The following STK32B variants were observed in gnomAD, a reference collection of about 807,000 sequenced individuals.
STK32B encodes the protein serine/threonine kinase 32B.
Under a neutral mutation model 52.6 loss-of-function variants are expected in STK32B, and 43 were observed. The observed-to-expected ratio is 0.82, with a 90% CI of 0.64 to 1.05. The LOEUF is 1.05. STK32B is among the 50% of genes least tolerant of loss of function. STK32B has a pLI of 0.00. For synonymous variants in STK32B, 238 were observed against 204.3 expected (o/e 1.17, Z -1.41); for missense variants, 621 against 534.6 (o/e 1.16, Z -1.59).
At chr4:5,329,301 TACTCC>T (rs908455421) in intron 3 of STK32B, among the ~76,000 whole-genome samples, 4 of 152,172 alleles carry the variant, frequency 2.6e-5, no homozygotes, top group African/African-American at 9.6e-5. Context: ...GACTGTATCT[TACTCC>T]ACTCCTGCCC....
chr4:5,358,013 T>C (rs1734296205), intron 4 of STK32B, among the ~76,000 whole-genome samples: 1 of 152,196 alleles, frequency 6.6e-6, no homozygotes. Context: ...TCCAATTCAA[T>C]TTAAGGCACA....
At chr4:5,326,618 G>C (rs1302719255) in intron 3 of STK32B, among the ~76,000 whole-genome samples, 1 of 152,110 alleles carries the variant, frequency 6.6e-6, no homozygotes, top group Admixed American at 6.5e-5. Context: ...ACAGCATTAT[G>C]TCTAAAAAGT....
At chr4:5,354,909 A>G (rs986451964) in intron 4 of STK32B, among the ~76,000 whole-genome samples, 4 of 152,194 alleles carry the variant, frequency 2.6e-5, no homozygotes, top group Non-Finnish European at 5.9e-5. Context: ...CTGATGCAAC[A>G]TGAGAAAGAC....
chr4:5,498,854 C>T (rs1720497958), intron 11 of STK32B, 91 bp from the exon 12 acceptor site: 6 of 1,476,596 alleles, frequency 4.1e-6, no homozygotes, highest in Non-Finnish European at 4.5e-6. Context: ...GCTGAAGGCT[C>T]CACAGTTGCC....
At chr4:5,159,623 A>G (rs183495221) in intron 2 of STK32B, among the ~76,000 whole-genome samples, 17,743 of 105,748 alleles carry the variant, frequency 0.17, 3,750 homozygotes, top group Non-Finnish European at 0.22. Context: ...ATATATGAAT[A>G]TATATGAATA....
chr4:5,204,440 G>A (rs1259288753), intron 3 of STK32B, among the ~76,000 whole-genome samples: 1 of 80,626 alleles, frequency 1.2e-5, no homozygotes, highest in Non-Finnish European at 2.7e-5. Flanking sequence ...TTTTTTGTTT[G>A]TTTTTGTTTT....
chr4:5,156,706 A>T (rs1229075729), intron 2 of STK32B, among the ~76,000 whole-genome samples: 1 of 152,178 alleles, frequency 6.6e-6, no homozygotes, highest in African/African-American at 2.4e-5. Flanking sequence ...AAGTGAAGTA[A>T]ACGTGGAGTT....
intron 6 of STK32B, among the ~76,000 whole-genome samples, chr4:5,437,564 G>T (rs1046187863): frequency 9.9e-5 from 15 of 152,182 alleles, no homozygotes; most frequent in African/African-American, 3.4e-4. Flanking sequence ...CATTTACAAA[G>T]ACCTTATTTT....
chr4:5,459,693 G>T (rs1485725516), intron 8 of STK32B, among the ~76,000 whole-genome samples: 1 of 152,170 alleles, frequency 6.6e-6, no homozygotes, highest in Non-Finnish European at 1.5e-5. Context: ...TAGCTGTCCA[G>T]GTATAAATTT....
intron 8 of STK32B, among the ~76,000 whole-genome samples, chr4:5,458,120 C>T (rs991626079): frequency 6.6e-6 from 1 of 152,306 alleles, no homozygotes; most frequent in South Asian, 2.1e-4. Context: ...CAGGCTCCAC[C>T]CAGACCTGAA....
chr4:5,327,525 T>C (rs1731960166), intron 3 of STK32B, among the ~76,000 whole-genome samples: 1 of 151,992 alleles, frequency 6.6e-6, no homozygotes, highest in South Asian at 2.1e-4. Flanking sequence ...CCATCTGAGC[T>C]CTTGGGTGAC....
chr4:5,074,014 G>A (rs1225664645), intron 1 of STK32B, among the ~76,000 whole-genome samples: 1 of 151,752 alleles, frequency 6.6e-6, no homozygotes, highest in Non-Finnish European at 1.5e-5. Flanking sequence ...CAAATTGGAA[G>A]ACTTTCAGCC....
chr4:5,276,048 G>A (rs932771575), intron 3 of STK32B, among the ~76,000 whole-genome samples: 4 of 152,012 alleles, frequency 2.6e-5, no homozygotes, highest in Non-Finnish European at 5.9e-5. Flanking sequence ...CAGCACTTTC[G>A]GAGGCCGAGG....
chr4:5,321,855 A>G (rs918920420), intron 3 of STK32B, among the ~76,000 whole-genome samples: 3 of 152,058 alleles, frequency 2.0e-5, no homozygotes, highest in African/African-American at 4.8e-5. Context: ...AGAGGTTCTC[A>G]TCTTGTCGCC....
rs146879950 is a variant in STK32B, at chr4:5,221,884, G to A, written c.260+53434G>A. Among the ~76,000 whole-genome samples the A allele has an allele frequency of 2.3e-4, 35 of 150,478 alleles. No homozygotes were observed. The East Asian group carries it at 6.7e-3, about 29-fold the overall frequency. ...AAAAAAAAAAAAAAAAAATTCAGGT[G>A]TTGTTAATGATAGTATTAAGTGGAG... On this transcript the variant is annotated intron_variant, in intron 3 of 11. Transcript: ENST00000282908.
At chr4:5,206,821 G>A (rs1256021645) in intron 3 of STK32B, among the ~76,000 whole-genome samples, 1 of 152,096 alleles carries the variant, frequency 6.6e-6, no homozygotes, top group East Asian at 1.9e-4. Context: ...ACAAGTTCAG[G>A]GCTGGGGTTT....
At chr4:5,316,961 TATATATAATATATATA>T (rs1730948593) in intron 3 of STK32B, among the ~76,000 whole-genome samples, 1 of 23,458 alleles carries the variant, frequency 4.3e-5, no homozygotes, top group Non-Finnish European at 5.4e-5. Context: ...TATGATATAA[TATATATAATATATATA>T]ATATATAATA....
In STK32B at chr4:5,051,641, G is replaced by A. The variant is rs1741785154; in HGVS notation, c.-223G>A. On this transcript the variant is annotated 5_prime_UTR_variant, in exon 1 of 12. Transcript: ENST00000282908. ...CAGCCCGAGGCGGGGCACGGCGGAA[G>A]GCGCGGCGAGAGCGGGGTCCCTGCG... 1 of 540,634 alleles carries A rather than the reference G, an allele frequency of 1.8e-6. No homozygotes were observed. The highest frequency in any genetic ancestry group is 3.1e-6 in the Non-Finnish European group (1 of 317,794). 33.5% of individuals were successfully genotyped at this position (540,634 alleles called of 1,614,324 possible). A position where few individuals can be genotyped will look rare whatever the true frequency, so the allele number is the denominator to read the frequency against.
intron 1 of STK32B, among the ~76,000 whole-genome samples, chr4:5,071,048 G>A (rs1260907014): frequency 6.6e-6 from 1 of 152,096 alleles, no homozygotes; most frequent in Non-Finnish European, 1.5e-5. Context: ...AACAAGCACC[G>A]GGCCCTCCTG....
Sources: allele counts gnomAD v4.1 joint callset (sites outside exome capture counted in the v4.1 genomes callset), GRCh38; gene constraint gnomAD v4.1.1; transcripts MANE v1.5; gene names NCBI Gene and HGNC (gene_info 2026-07-23, HGNC 2026-07-21).